Variants in KLF8 observed in about 807,000 individuals in gnomAD.
KLF8 encodes Krueppel-like factor 8.
A neutral mutation model predicts 18.2 loss-of-function variants in KLF8; 10 were observed. That is an observed-to-expected ratio of 0.55 (90% CI 0.34 to 0.93). The LOEUF is 0.93. Ranked by LOEUF, KLF8 falls within the 40% of genes least tolerant of loss-of-function variation. The probability of loss-of-function intolerance (pLI) is 0.02; values close to 1 mark genes in which losing one functional copy is unlikely to be tolerated. For missense variants in KLF8, 264 were observed against 277.9 expected (o/e 0.95, Z 0.36); for synonymous variants, 109 against 97.3 (o/e 1.12, Z -0.71).
chrX:56,021,239 T>C, the KLF8 span, among the ~76,000 whole-genome samples: 12 of 112,230 alleles, frequency 1.1e-4, no homozygotes, highest in Non-Finnish European at 2.1e-4. Context: ...TCATGCAACT[T>C]AATGATTTTG....
At chrX:56,233,596 A>C (rs1422534450) in intron 1 of KLF8, among the ~76,000 whole-genome samples, 1 of 111,701 alleles carries the variant, frequency 9.0e-6, no homozygotes, top group Non-Finnish European at 1.9e-5. Context: ...GCAAGAATGG[A>C]TGGATTTGTC....
At chrX:56,135,452 CA>C in the KLF8 span, among the ~76,000 whole-genome samples, 1 of 110,089 alleles carries the variant, frequency 9.1e-6, no homozygotes, top group Admixed American at 9.7e-5. Flanking sequence ...ATCACAAGAA[CA>C]AAAAACCAAA....
At position 56,284,590 on chromosome X, in the gene KLF8, A is replaced by G. The variant is rs1602479260; in HGVS notation, c.*96A>G. ...TTTCCTCTTTGACTTCAGCTTGCAT[A>G]TGGGGTTGAAGCAGCCCACTGAGCC... On this transcript the variant is annotated 3_prime_UTR_variant, in exon 6 of 6. Transcript: ENST00000468660. The G allele has an allele frequency of 1.3e-6, 1 of 753,829 alleles. No individual in the cohort carries two copies. Among genetic ancestry groups the G allele is most frequent in the Non-Finnish European group, 1.8e-6 (1 of 545,170 alleles). 62.1% of individuals were successfully genotyped at this position (753,829 alleles called of 1,213,427 possible). A position where few individuals can be genotyped will look rare whatever the true frequency, so the allele number is the denominator to read the frequency against.
the KLF8 span, among the ~76,000 whole-genome samples, chrX:56,180,001 C>T: frequency 9.0e-6 from 1 of 110,953 alleles, no homozygotes; most frequent in Admixed American, 9.7e-5. Context: ...TGATGCTGGC[C>T]CCATAAAATG....
At chrX:56,250,145 AAC>A in intron 1 of KLF8, 84 bp from the exon 2 acceptor site, 2 of 634,914 alleles carry the variant, frequency 3.2e-6, no homozygotes, top group Non-Finnish European at 5.1e-6. Context: ...AAGGTCATAG[AAC>A]ACACATAACA....
At chrX:56,125,554 T>A in the KLF8 span, among the ~76,000 whole-genome samples, 1 of 112,396 alleles carries the variant, frequency 8.9e-6, no homozygotes, top group African/African-American at 3.2e-5. Flanking sequence ...TCTTTTCTAG[T>A]GGTCGGCTAT....
At chrX:56,194,367 G>A in the KLF8 span, among the ~76,000 whole-genome samples, 1 of 111,997 alleles carries the variant, frequency 8.9e-6, no homozygotes, top group East Asian at 2.8e-4. Flanking sequence ...CCCCAATACT[G>A]CACTTTTCCC....
the KLF8 span, among the ~76,000 whole-genome samples, chrX:56,128,261 C>A: frequency 8.9e-6 from 1 of 112,000 alleles, no homozygotes; most frequent in African/African-American, 3.2e-5. Flanking sequence ...TTCTGATAGA[C>A]TGAAAGAACT....
intron 2 of KLF8, among the ~76,000 whole-genome samples, chrX:56,262,888 G>A (rs1300891408): frequency 3.6e-5 from 4 of 111,549 alleles, no homozygotes; most frequent in Non-Finnish European, 5.6e-5. Context: ...CTCCCAAAGT[G>A]CTGGGATTAC....
the KLF8 span, among the ~76,000 whole-genome samples, chrX:56,175,816 C>G: frequency 9.0e-6 from 1 of 111,589 alleles, no homozygotes; most frequent in African/African-American, 3.3e-5. Flanking sequence ...GGATAGTTAG[C>G]TTTTCTTATT....
chrX:56,073,785 G>A, the KLF8 span, among the ~76,000 whole-genome samples: 1 of 95,482 alleles, frequency 1.0e-5, no homozygotes, highest in Non-Finnish European at 2.1e-5. Flanking sequence ...CACTCTTCTC[G>A]CCCAGTCTTG....
the KLF8 span, among the ~76,000 whole-genome samples, chrX:55,957,553 T>G: frequency 1.8e-5 from 2 of 112,314 alleles, no homozygotes; most frequent in Non-Finnish European, 3.8e-5. Flanking sequence ...ATTTGTGTTT[T>G]CATTATTTTC....
At chrX:56,129,733 C>T in the KLF8 span, among the ~76,000 whole-genome samples, 73 of 104,412 alleles carry the variant, frequency 7.0e-4, no homozygotes, top group African/African-American at 2.6e-3. Context: ...GATGCAAAAG[C>T]CATGCTTTCT....
chrX:56,196,949 A>C, the KLF8 span, among the ~76,000 whole-genome samples: 1 of 112,157 alleles, frequency 8.9e-6, no homozygotes, highest in African/African-American at 3.2e-5. Context: ...ACTTACTCAA[A>C]ACAGCACACC....
the KLF8 span, among the ~76,000 whole-genome samples, chrX:55,921,361 C>G: frequency 9.0e-6 from 1 of 111,563 alleles, no homozygotes; most frequent in Non-Finnish European, 1.9e-5. Context: ...GATGTGTGAC[C>G]TTATTTCTGA....
At chrX:55,966,244 A>G in the KLF8 span, among the ~76,000 whole-genome samples, 1 of 112,500 alleles carries the variant, frequency 8.9e-6, no homozygotes, top group Non-Finnish European at 1.9e-5. Flanking sequence ...CTAATTGTGG[A>G]GCCCTAGGGC....
chrX:56,080,032 C>T, the KLF8 span, among the ~76,000 whole-genome samples: 2 of 110,950 alleles, frequency 1.8e-5, no homozygotes, highest in Non-Finnish European at 3.8e-5. Context: ...TATTTTGAGC[C>T]TATGTGTGTC....
In KLF8 at chrX:56,288,567, A is replaced by C. The variant is rs1268201113; in HGVS notation, c.*4073A>C. On this transcript the variant is annotated 3_prime_UTR_variant, in exon 6 of 6. Coordinates refer to ENST00000468660, the MANE Select transcript of KLF8 (RefSeq NM_007250.5). ...ATATTACAATAAAGCAAGTCACACA[A>C]ATTTTTTGGTTTCCCAGTGCATATA... 1.0e-5 allele frequency among the ~76,000 whole-genome samples: 1 copy of C among 98,206 alleles called. No homozygotes were observed. Among genetic ancestry groups the C allele is most frequent in the Non-Finnish European group, 1.9e-5 (1 of 52,764 alleles). 85.3% of individuals were successfully genotyped at this position (98,206 alleles called of 115,157 possible).
chrX:56,102,838 G>A, the KLF8 span, among the ~76,000 whole-genome samples: 1 of 109,696 alleles, frequency 9.1e-6, no homozygotes, highest in African/African-American at 3.3e-5. Flanking sequence ...TGACATGTTG[G>A]TGTGCTACAC....
Sources: allele counts gnomAD v4.1 joint callset (sites outside exome capture counted in the v4.1 genomes callset), GRCh38; gene constraint gnomAD v4.1.1; transcripts MANE v1.5; gene names NCBI Gene and HGNC (gene_info 2026-07-23, HGNC 2026-07-21).